Variants in NBPF3 observed in about 807,000 individuals in gnomAD.
NBPF3 encodes NBPF family member NBPF3.
Under a neutral mutation model 78.1 loss-of-function variants are expected in NBPF3, and 57 were observed. That is an observed-to-expected ratio of 0.73 (90% CI 0.59 to 0.91). The LOEUF is 0.91. Ranked by LOEUF, NBPF3 falls within the 40% of genes least tolerant of loss-of-function variation. The pLI, the probability that NBPF3 is intolerant of heterozygous loss-of-function variation, is 0.00. For synonymous variants in NBPF3, 182 were observed against 271.7 expected (o/e 0.67, Z 3.25); for missense variants, 510 against 715.3 (o/e 0.71, Z 3.27).
chr1:21,437,108 G>A (rs1640440855), upstream of NBPF3, among the ~76,000 whole-genome samples: 2 of 152,134 alleles, frequency 1.3e-5, no homozygotes, highest in Admixed American at 1.3e-4. Context: ...TGGTAGAGAG[G>A]GAGACAGGTC....
chr1:21,465,540 A>C (rs1162611178), intron 2 of NBPF3, among the ~76,000 whole-genome samples: 1 of 152,220 alleles, frequency 6.6e-6, no homozygotes, highest in Non-Finnish European at 1.5e-5. Context: ...AGCAGAGGAG[A>C]AACTTTTGAG....
chr1:21,463,971 G>A (rs1448068258), intron 2 of NBPF3, among the ~76,000 whole-genome samples: 1 of 152,198 alleles, frequency 6.6e-6, no homozygotes, highest in African/African-American at 2.4e-5. Context: ...AAAAGTGATG[G>A]AGAATATCGA....
intron 2 of NBPF3, chr1:21,449,830 C>G (rs1354875792): frequency 1.3e-5 from 6 of 461,200 alleles, no homozygotes; most frequent in Admixed American, 6.4e-5. Flanking sequence ...TCCTCGCATG[C>G]CTGAAATACC....
chr1:21,473,239 T>G (rs2147995871), intron 6 of NBPF3, 141 bp from the exon 7 acceptor site: 1 of 1,057,440 alleles, frequency 9.5e-7, no homozygotes, highest in East Asian at 2.4e-5. Context: ...GAGGATTGCC[T>G]GTTCCCTCTT....
intron 2 of NBPF3, chr1:21,446,535 C>A (rs1640990108): frequency 7.0e-6 from 1 of 142,492 alleles, no homozygotes; most frequent in South Asian, 2.3e-4. Flanking sequence ...TCTTTCCCTG[C>A]CTCCCTCCCA....
intron 7 of NBPF3, among the ~76,000 whole-genome samples, 176 bp downstream of exon 7, chr1:21,473,761 C>A (rs1642739719): frequency 1.3e-5 from 2 of 152,284 alleles, no homozygotes; most frequent in South Asian, 2.1e-4. Flanking sequence ...GTCTCACAGT[C>A]CCCAGTGTCA....
In NBPF3 at chr1:21,480,131, A is replaced by AGTACCTGGAACTGCCT. The variant is rs1643130913; in HGVS notation, c.1291_1306dup (p.Asp436ValfsTer6). 1.2e-6 allele frequency: 1 copy of AGTACCTGGAACTGCCT among 861,948 alleles called. No individual in the cohort carries two copies. Among genetic ancestry groups the AGTACCTGGAACTGCCT allele is most frequent in the African/African-American group, 1.7e-5 (1 of 59,252 alleles). The allele number at this position is 861,948 out of a possible 1,614,324, so 53.4% of individuals were successfully genotyped here. Reference sequence around the variant, plus strand: ...GATAGATTTTATTCAACTCCTTTTGAGTACCTGGAACTGCCTGACTTATGC... The same window carrying AGTACCTGGAACTGCCT: ...GATAGATTTTATTCAACTCCTTTTGAGTACCTGGAACTGCCTGTACCTGGAACTGCCTGACTTATGC... On this transcript the variant is annotated frameshift_variant, in exon 11 of 15. Transcript: ENST00000318249. LOFTEE classifies it high-confidence loss of function.
intron 2 of NBPF3, among the ~76,000 whole-genome samples, chr1:21,456,428 A>G (rs1435234183): frequency 3.9e-5 from 6 of 152,194 alleles, no homozygotes; most frequent in Admixed American, 2.0e-4. Context: ...CACTTTAATT[A>G]TATACTTTAA....
intron 2 of NBPF3, among the ~76,000 whole-genome samples, chr1:21,453,048 G>C (rs1342985618): frequency 6.6e-6 from 1 of 152,102 alleles, no homozygotes; most frequent in Non-Finnish European, 1.5e-5. Flanking sequence ...TTCTCCTTTT[G>C]TTTCCCCATG....
rs1048089546 is a variant in NBPF3, at chr1:21,470,518, C to T, written c.344-114C>T. The T allele has an allele frequency of 1.1e-5, 8 of 728,202 alleles. No homozygotes were observed. In the African/African-American group the frequency reaches 1.2e-4, roughly 11 times the overall value. The allele number at this position is 728,202 out of a possible 1,614,324, so 45.1% of individuals were successfully genotyped here. A position where few individuals can be genotyped will look rare whatever the true frequency, so the allele number is the denominator to read the frequency against. ...AGATGTGGAAATCCCTACGTAGAGC[C>T]TGGCAGTGGGGACAGTTTTGTCCTT... On this transcript the variant is annotated intron_variant, in intron 3 of 14. Transcript: ENST00000318249.
intron 1 of NBPF3, 105 bp downstream of exon 1, chr1:21,440,453 G>T (rs1228882815): frequency 6.6e-6 from 1 of 151,840 alleles, no homozygotes; most frequent in Non-Finnish European, 1.5e-5. Flanking sequence ...GAGCGCGGGG[G>T]CGGGTGGGAG....
At chr1:21,478,515 C>G (rs76906661) in intron 9 of NBPF3, among the ~76,000 whole-genome samples, 1 of 152,204 alleles carries the variant, frequency 6.6e-6, no homozygotes, top group South Asian at 2.1e-4. Context: ...TTCCTAGTCT[C>G]AGGCCATGCC....
At chr1:21,469,262 A>G (rs1384027884) in intron 3 of NBPF3, among the ~76,000 whole-genome samples, 1 of 152,184 alleles carries the variant, frequency 6.6e-6, no homozygotes, top group Non-Finnish European at 1.5e-5. Flanking sequence ...AATGTGTGGG[A>G]CTAGTGAACC....
intron 2 of NBPF3, chr1:21,451,837 A>C: frequency 2.2e-6 from 1 of 450,486 alleles, no homozygotes; most frequent in Non-Finnish European, 3.1e-6. Flanking sequence ...GGTAAGATTT[A>C]CTAGTTGGGA....
chr1:21,469,719 G>A (rs1285394735), intron 3 of NBPF3, among the ~76,000 whole-genome samples: 1 of 152,122 alleles, frequency 6.6e-6, no homozygotes, highest in Non-Finnish European at 1.5e-5. Context: ...GGCAAGACTC[G>A]TCAAAAGAAA....
intron 2 of NBPF3, among the ~76,000 whole-genome samples, chr1:21,461,883 G>A (rs1334851944): frequency 6.6e-6 from 1 of 152,222 alleles, no homozygotes; most frequent in Non-Finnish European, 1.5e-5. Flanking sequence ...TGTCGGAGGT[G>A]GGGGTAAATG....
Position 21,470,714 on chromosome 1 carries a change from C to T in NBPF3, c.426C>T (p.Leu142=), listed in dbSNP as rs756854649. 9 of 1,598,656 alleles carry T rather than the reference C, an allele frequency of 5.6e-6. No homozygotes were observed. Among genetic ancestry groups the T allele is most frequent in the South Asian group, 4.4e-5 (4 of 90,892 alleles). The change falls in exon 4 of 15, where the codon CTC becomes CTT. Residue 142 remains leucine (L), a synonymous_variant. Transcript: ENST00000318249. ...LLTEEKLAEE[L]GQAEELRQYK... ...CAGAAGAGAAGCTTGCAGAGGAGCT[C>T]GGGCAAGCTGAGGAGCTCAGGTGAG...
chr1:21,460,559 A>G lies in NBPF3; in HGVS notation c.134-8129A>G, dbSNP rs1334346163. 1.3e-5 allele frequency among the ~76,000 whole-genome samples: 2 copies of G among 152,232 alleles called. No individual in the cohort carries two copies. The highest frequency in any genetic ancestry group is 1.3e-4 in the Admixed American group (2 of 15,290). ...AAGACTTTTAAGTAAAAGGATTTTGAGTGAAATAATATTTGTGGTTTTAAA... is the reference window on the plus strand; with the variant it reads ...AAGACTTTTAAGTAAAAGGATTTTGGGTGAAATAATATTTGTGGTTTTAAA... On this transcript the variant is annotated intron_variant, in intron 2 of 14. Transcript: ENST00000318249. This position sits in a 1 kb window ranked among gnomAD's most constrained non-coding sequence, Gnocchi z 4.2.
chr1:21,474,157 T>C (rs1485814700), intron 7 of NBPF3, among the ~76,000 whole-genome samples: 1 of 152,202 alleles, frequency 6.6e-6, no homozygotes, highest in Non-Finnish European at 1.5e-5. Context: ...ATGCAATGTT[T>C]TGTAGCATCA....
Sources: gnomAD v4.1 joint callset for allele counts (sites outside exome capture counted in the v4.1 genomes callset) on GRCh38, gnomAD v4.1.1 for gene constraint, Gnocchi (gnomAD v3.1) non-coding constraint, MANE v1.5 for transcripts, NCBI Gene and HGNC (gene_info 2026-07-23, HGNC 2026-07-21) for gene names.